The following SETBP1 variants were observed in gnomAD, a reference collection of about 807,000 sequenced individuals.
The protein encoded by SETBP1 is SET binding protein 1, also known as SET-binding protein.
A neutral mutation model predicts 101.0 loss-of-function variants in SETBP1; 9 were observed. The observed-to-expected ratio is 0.09, with a 90% confidence interval of 0.05 to 0.16. The LOEUF (loss-of-function observed/expected upper bound fraction) is 0.16, where lower values mean the gene tolerates loss of function less well. Among genes scored for constraint, SETBP1 ranks in the 10% least tolerant of loss-of-function variants. SETBP1 has a pLI of 1.00. For synonymous variants in SETBP1, 818 were observed against 788.5 expected, an observed-to-expected ratio of 1.04 and a Z score of -0.63; for missense variants, 1,858 against 2,033.8, an observed-to-expected ratio of 0.91 and a Z score of 1.66.
intron 2 of SETBP1, among the ~76,000 whole-genome samples, chr18:44,721,271 G>A (rs544923691): frequency 1.3e-5 from 2 of 152,316 alleles, no homozygotes; most frequent in South Asian, 4.1e-4. Flanking sequence ...AGAGCTCTGG[G>A]TATGCACAAA....
chr18:45,035,481 C>G (rs1214147240), intron 4 of SETBP1, among the ~76,000 whole-genome samples: 1 of 151,844 alleles, frequency 6.6e-6, no homozygotes, highest in Non-Finnish European at 1.5e-5. Flanking sequence ...CATAGTACAC[C>G]CAAGAGAGAT....
chr18:44,760,371 T>C (rs1280057444), intron 2 of SETBP1, among the ~76,000 whole-genome samples: 1 of 152,158 alleles, frequency 6.6e-6, no homozygotes, highest in Admixed American at 6.5e-5. Context: ...CTATAAATTA[T>C]CAGCCAGGAC....
At chr18:44,719,977 G>A (rs540526384) in intron 2 of SETBP1, among the ~76,000 whole-genome samples, 1 of 152,294 alleles carries the variant, frequency 6.6e-6, no homozygotes, top group South Asian at 2.1e-4. Context: ...GGACTTCTCA[G>A]GCATTTGTGT....
At chr18:44,986,560 T>G (rs1198393609) in intron 4 of SETBP1, 2 of 152,202 alleles carry the variant, frequency 1.3e-5, no homozygotes, top group Admixed American at 1.3e-4. Flanking sequence ...TAAAACACAT[T>G]CTACAGTTGT....
intron 3 of SETBP1, among the ~76,000 whole-genome samples, chr18:44,910,148 C>T (rs2070271493): frequency 6.6e-6 from 1 of 152,138 alleles, no homozygotes; most frequent in Non-Finnish European, 1.5e-5. Context: ...GCCTCTTCCT[C>T]TCTGAGATTG....
chr18:44,741,590 C>T (rs1333752343), intron 2 of SETBP1, among the ~76,000 whole-genome samples: 3 of 151,792 alleles, frequency 2.0e-5, no homozygotes, highest in Admixed American at 2.0e-4. Context: ...AGATAATTGC[C>T]TTAGTTGCTA....
Position 44,701,173 on chromosome 18 carries a change from A to C in SETBP1, c.-172-2A>C, listed in dbSNP as rs2069109333. On this transcript the variant is annotated splice_acceptor_variant, in intron 1 of 5. Transcript: ENST00000649279. LOFTEE classifies it low-confidence loss of function (5UTR_SPLICE). ...ATGCCTAACTGTCTCTTTGCTTCTC[A>C]GTTGCAGATCTGATCTCTTCTGAAC... 1.8e-6 allele frequency: 1 copy of C among 550,226 alleles called. No homozygotes were observed. The highest frequency in any genetic ancestry group is 1.9e-5 in the African/African-American group (1 of 52,568). The allele number at this position is 550,226 out of a possible 1,614,324, so 34.1% of individuals were successfully genotyped here.
intron 2 of SETBP1, among the ~76,000 whole-genome samples, chr18:44,825,054 GC>G (rs2072204780): frequency 6.6e-6 from 1 of 152,320 alleles, no homozygotes; most frequent in South Asian, 2.1e-4. Context: ...TTTCACTTCT[GC>G]TTAGGAACTT....
chr18:44,899,122 G>T (rs1009709736), intron 3 of SETBP1, among the ~76,000 whole-genome samples: 1 of 152,104 alleles, frequency 6.6e-6, no homozygotes, highest in Admixed American at 6.5e-5. Flanking sequence ...TGTTCCTTTT[G>T]TAGAGTTAAA....
At chr18:44,982,050 T>C (rs1320033837) in intron 4 of SETBP1, among the ~76,000 whole-genome samples, 5 of 152,138 alleles carry the variant, frequency 3.3e-5, no homozygotes, top group Non-Finnish European at 7.4e-5. Context: ...AAGCGAAAGT[T>C]TGGGGAAGGT....
At chr18:44,927,059 G>A (rs968934612) in intron 3 of SETBP1, among the ~76,000 whole-genome samples, 2 of 152,082 alleles carry the variant, frequency 1.3e-5, no homozygotes, top group African/African-American at 4.8e-5. Context: ...TCAAGTTCTG[G>A]CCCTGATTAT....
intron 4 of SETBP1, among the ~76,000 whole-genome samples, chr18:45,004,773 G>A (rs1415046375): frequency 6.6e-6 from 1 of 152,218 alleles, no homozygotes; most frequent in Non-Finnish European, 1.5e-5. Flanking sequence ...TCCCTCGGCT[G>A]CTGGACCATG....
At chr18:44,929,599 C>T (rs1250755799) in intron 3 of SETBP1, among the ~76,000 whole-genome samples, 2 of 152,172 alleles carry the variant, frequency 1.3e-5, no homozygotes, top group East Asian at 1.9e-4. Flanking sequence ...TTTGTATCCT[C>T]TTTTATTTCA....
Position 44,952,363 on chromosome 18 carries a change from G to A in SETBP1, c.3023G>A (p.Arg1008His), listed in dbSNP as rs760902522. The A allele has an allele frequency of 4.0e-5, 64 of 1,613,926 alleles. No individual in the cohort carries two copies. The highest frequency in any genetic ancestry group is 1.8e-4 in the East Asian group (8 of 44,834). Reference protein sequence around the residue: ...YIQYDPLLYLRRTSDLKSKKK... With the variant: ...YIQYDPLLYLHRTSDLKSKKK... ...CAGTATGACCCGTTGCTCTATCTTC[G>A]TAGGACTTCAGACTTGAAGTCAAAG... Residue 1008 changes from arginine to histidine, a missense_variant, in exon 4 of 6, where the codon CGT becomes CAT. By Grantham distance (29) the Arg-to-His change is conservative. Transcript: ENST00000649279.
At chr18:44,974,223 G>T (rs912198037) in intron 4 of SETBP1, among the ~76,000 whole-genome samples, 1 of 152,040 alleles carries the variant, frequency 6.6e-6, no homozygotes, top group Non-Finnish European at 1.5e-5. Context: ...CCTGGTCATG[G>T]GCCACATTTA....
rs2145602551 is a variant in SETBP1 at position 45,065,451 on chromosome 18, A to G, written c.*1753A>G. 1 of 152,324 alleles carries G rather than the reference A, an allele frequency of 6.6e-6. No individual in the cohort carries two copies. Among genetic ancestry groups the G allele is most frequent in the South Asian group, 2.1e-4 (1 of 4,828 alleles). 9.4% of individuals were successfully genotyped at this position (152,324 alleles called of 1,614,324 possible). On this transcript the variant is annotated 3_prime_UTR_variant, in exon 6 of 6. Transcript: ENST00000649279. ...TACAGGAAGTTGGGACCAGCTGGAA[A>G]TTGTATTATCATTTCGGAACACAAT...
chr18:44,925,348 G>A (rs61127695), intron 3 of SETBP1, among the ~76,000 whole-genome samples: 1 of 152,142 alleles, frequency 6.6e-6, no homozygotes, highest in Admixed American at 6.5e-5. Context: ...GCCTGCACCA[G>A]AGCTGGGACC....
intron 3 of SETBP1, among the ~76,000 whole-genome samples, chr18:44,892,127 G>T (rs1276199842): frequency 6.6e-6 from 1 of 152,142 alleles, no homozygotes; most frequent in East Asian, 1.9e-4. Context: ...CATGAGAGGA[G>T]GAGTGAGGAG....
chr18:44,988,221 A>G (rs1321660642), intron 4 of SETBP1: 1 of 152,210 alleles, frequency 6.6e-6, no homozygotes, highest in Non-Finnish European at 1.5e-5. Context: ...TATTTACAAA[A>G]CTAAGCTAAA....
Sources: gnomAD v4.1 joint callset for allele counts (sites outside exome capture counted in the v4.1 genomes callset) on GRCh38, gnomAD v4.1.1 for gene constraint, MANE v1.5 for transcripts, NCBI Gene and HGNC (gene_info 2026-07-23, HGNC 2026-07-21) for gene names.